TLL1: variants seen among roughly 807,000 people sequenced by gnomAD.
TLL1 encodes the protein tolloid-like protein 1.
TLL1 carries 49 observed loss-of-function variants against 128.2 expected under a neutral mutation model. That is an observed-to-expected ratio of 0.38 (90% confidence interval 0.30 to 0.48). The LOEUF (loss-of-function observed/expected upper bound fraction) is 0.48, where lower values mean the gene tolerates loss of function less well. TLL1 is among the 20% of genes least tolerant of loss of function. TLL1 has a pLI of 0.96. For synonymous variants in TLL1, 454 were observed against 418.8 expected (o/e 1.08, Z -1.03); for missense variants, 1,123 against 1,242.0 (o/e 0.90, Z 1.44).
intron 1 of TLL1, among the ~76,000 whole-genome samples, chr4:165,941,858 G>A (rs1734027476): frequency 6.6e-6 from 1 of 152,080 alleles, no homozygotes; most frequent in Non-Finnish European, 1.5e-5. Context: ...GGTTCCTTCA[G>A]TCTGATTTTA....
chr4:165,897,114 T>C (rs1304634009), intron 1 of TLL1, among the ~76,000 whole-genome samples: 1 of 152,228 alleles, frequency 6.6e-6, no homozygotes, highest in Non-Finnish European at 1.5e-5. Flanking sequence ...TTTGTTTAAG[T>C]TGCTTGTAGA....
intron 1 of TLL1, among the ~76,000 whole-genome samples, chr4:165,900,459 G>A (rs999132478): frequency 2.0e-4 from 31 of 152,170 alleles, no homozygotes; most frequent in African/African-American, 4.1e-4. Flanking sequence ...GCATTTGCTC[G>A]TCTGTAAAGG....
intron 1 of TLL1, among the ~76,000 whole-genome samples, chr4:165,907,218 T>C (rs1317415008): frequency 6.6e-6 from 1 of 152,200 alleles, no homozygotes; most frequent in Non-Finnish European, 1.5e-5. Flanking sequence ...CATAGTAATG[T>C]TTTTGTTAAA....
At chr4:166,027,367 A>G (rs1208840359) in intron 9 of TLL1, among the ~76,000 whole-genome samples, 1 of 152,102 alleles carries the variant, frequency 6.6e-6, no homozygotes, top group African/African-American at 2.4e-5. Context: ...TGCAATTGCA[A>G]TTTTTTTAAA....
At chr4:165,889,120 A>G (rs1217895349) in intron 1 of TLL1, among the ~76,000 whole-genome samples, 1 of 152,226 alleles carries the variant, frequency 6.6e-6, no homozygotes, top group African/African-American at 2.4e-5. Flanking sequence ...GCCAGTACCT[A>G]GTCTGTCATT....
intron 1 of TLL1, among the ~76,000 whole-genome samples, chr4:165,961,971 C>T (rs1249608872): frequency 6.6e-6 from 1 of 151,902 alleles, no homozygotes; most frequent in African/African-American, 2.4e-5. Context: ...CCTCAAAATA[C>T]AAAAATCCTG....
At chr4:166,016,788 T>G (rs1435992187) in intron 8 of TLL1, among the ~76,000 whole-genome samples, 1 of 151,936 alleles carries the variant, frequency 6.6e-6, no homozygotes, top group Non-Finnish European at 1.5e-5. Context: ...CTAAAAGAGA[T>G]ATATAAATAT....
In TLL1 at chr4:166,102,439, G is replaced by T. The variant is rs895123324; in HGVS notation, c.*1563G>T. On this transcript the variant is annotated 3_prime_UTR_variant, in exon 21 of 21. Transcript: ENST00000061240. The stretch of plus-strand genomic sequence containing the variant: ...TAATGGGTGGTTGAAAAGTTAAAAT[G>T]TATGTGCCAAGTTCTACTAGAATTC... 1 of 152,372 alleles carries T rather than the reference G, an allele frequency of 6.6e-6. No individual in the cohort carries two copies. The highest frequency in any genetic ancestry group is 2.4e-5 in the African/African-American group (1 of 41,424). 9.4% of individuals were successfully genotyped at this position (152,372 alleles called of 1,614,324 possible). A position where few individuals can be genotyped will look rare whatever the true frequency, so the allele number is the denominator to read the frequency against.
chr4:166,008,257 A>G (rs897593425), intron 7 of TLL1, among the ~76,000 whole-genome samples: 1 of 151,598 alleles, frequency 6.6e-6, no homozygotes, highest in Non-Finnish European at 1.5e-5. Context: ...TCTACCAAAT[A>G]TATGAATTTA....
chr4:165,972,964 T>C (rs1735690932), intron 1 of TLL1, among the ~76,000 whole-genome samples: 1 of 92,304 alleles, frequency 1.1e-5, no homozygotes. Flanking sequence ...GAGAATAGTA[T>C]ATTTGTTCAA....
intron 1 of TLL1, among the ~76,000 whole-genome samples, chr4:165,981,888 C>T (rs991961835): frequency 3.3e-5 from 5 of 151,918 alleles, no homozygotes; most frequent in East Asian, 1.9e-4. Context: ...TCTGCAAACC[C>T]GAAAAGAAAA....
At chr4:165,906,905 T>G (rs1732285377) in intron 1 of TLL1, among the ~76,000 whole-genome samples, 1 of 151,956 alleles carries the variant, frequency 6.6e-6, no homozygotes, top group Non-Finnish European at 1.5e-5. Flanking sequence ...TTTCCAAATT[T>G]TTAGTTTCAT....
At chr4:165,884,209 G>A (rs983307404) in intron 1 of TLL1, among the ~76,000 whole-genome samples, 3 of 152,196 alleles carry the variant, frequency 2.0e-5, no homozygotes, top group Non-Finnish European at 4.4e-5. Flanking sequence ...GATTGCTCAT[G>A]TGTAAATAGT....
intron 1 of TLL1, among the ~76,000 whole-genome samples, chr4:165,920,157 T>C (rs1343808173): frequency 6.6e-6 from 1 of 152,202 alleles, no homozygotes; most frequent in Admixed American, 6.5e-5. Context: ...TCCATTGATA[T>C]TTTCAATTCC....
At chr4:166,077,816 A>C in intron 17 of TLL1, 87 bp from the exon 18 acceptor site, 1 of 1,586,032 alleles carries the variant, frequency 6.3e-7, no homozygotes, top group Non-Finnish European at 8.6e-7. Flanking sequence ...ATCTTTCAAC[A>C]GGGCAGTGGG....
In TLL1 at chr4:165,877,399, C is replaced by T. The variant is rs564612274; in HGVS notation, c.169+3326C>T. Among the ~76,000 whole-genome samples, 6 of 152,272 alleles carry T rather than the reference C, an allele frequency of 3.9e-5. No individual in the cohort carries two copies. In the East Asian group the frequency reaches 1.2e-3, roughly 29 times the overall value. On this transcript the variant is annotated intron_variant, in intron 1 of 20. Coordinates refer to ENST00000061240, the MANE Select transcript of TLL1 (RefSeq NM_012464.5). ...ACAGATAATTCAAATGAATATCTGT[C>T]TGTCTTTCATCAGTGCAGTACACAA...
Position 166,100,857 on chromosome 4 carries a change from C to G in TLL1, c.3023C>G (p.Thr1008Ser), listed in dbSNP as rs747818508. 7 of 1,612,436 alleles carry G rather than the reference C, an allele frequency of 4.3e-6. No homozygotes were observed. In the African/African-American group the frequency reaches 9.4e-5, roughly 22 times the overall value. ...TACAAAAGCATAAGATATCCAGATA[C>G]CACACATACCAAAAAATAACACCAA... is the stretch of plus-strand genomic sequence containing the variant. Reference protein sequence around the residue: ...IRYKSIRYPDTTHTKK With the variant: ...IRYKSIRYPDSTHTKK The change falls in exon 21 of 21, where the codon ACC becomes AGC. Residue 1008 changes from threonine (T) to serine (S), a missense_variant. By Grantham distance (58) the Thr-to-Ser change is moderately conservative. Coordinates refer to ENST00000061240, the MANE Select transcript of TLL1 (RefSeq NM_012464.5).
At chr4:165,994,577 C>A in intron 4 of TLL1, 44 bp downstream of exon 4, 1 of 1,603,822 alleles carries the variant, frequency 6.2e-7, no homozygotes, top group Middle Eastern at 1.7e-4. Context: ...GAAATAAAAA[C>A]TATCATACAG....
chr4:166,097,258 C>T (rs766694344), intron 19 of TLL1, among the ~76,000 whole-genome samples: 9 of 152,172 alleles, frequency 5.9e-5, no homozygotes, highest in Admixed American at 3.9e-4. Context: ...AGAAAACCAC[C>T]GTAGTGGGAA....
Sources: allele counts gnomAD v4.1 joint callset (sites outside exome capture counted in the v4.1 genomes callset), GRCh38; gene constraint gnomAD v4.1.1; transcripts MANE v1.5; gene names NCBI Gene and HGNC (gene_info 2026-07-23, HGNC 2026-07-21).